WDHD1: variants seen among roughly 807,000 people sequenced by gnomAD.
WDHD1 encodes the protein WD repeat and HMG-box DNA binding protein 1, also known as WD repeat and HMG-box DNA-binding protein 1.
WDHD1 carries 111 observed loss-of-function variants against 135.4 expected under a neutral mutation model. The observed-to-expected ratio is 0.82, with a 90% confidence interval of 0.70 to 0.96. The LOEUF (loss-of-function observed/expected upper bound fraction) is 0.96, where lower values mean the gene tolerates loss of function less well. WDHD1 is among the 40% of genes least tolerant of loss of function. WDHD1 has a pLI of 0.00. For missense variants in WDHD1, 1,351 were observed against 1,336.3 expected, an observed-to-expected ratio of 1.01 and a Z score of -0.17; for synonymous variants, 434 against 439.0, an observed-to-expected ratio of 0.99 and a Z score of 0.14.
chr14:54,967,620 C>A (rs2041365992), intron 16 of WDHD1, among the ~76,000 whole-genome samples: 1 of 152,116 alleles, frequency 6.6e-6, no homozygotes. Context: ...TCTCACATCT[C>A]ACTTGATTTA....
At chr14:54,970,621 C>CAAAAAAAAAAAAAA in intron 16 of WDHD1, among the ~76,000 whole-genome samples, 1 of 130,646 alleles carries the variant, frequency 7.7e-6, no homozygotes. Flanking sequence ...GTCACAGCAC[C>CAAAAAAAAAAAAAA]AAAAAAAAAA....
chr14:54,984,610 A>G (rs1000724538), intron 15 of WDHD1, 113 bp downstream of exon 15: 10 of 906,198 alleles, frequency 1.1e-5, no homozygotes, highest in African/African-American at 5.3e-5. Flanking sequence ...AATATAAAAT[A>G]GAGATAATTT....
In WDHD1 at chr14:54,962,870, T is replaced by A; in HGVS notation, c.2532-17A>T. On this transcript the variant is annotated splice_polypyrimidine_tract_variant and intron_variant, in intron 19 of 25. Transcript: ENST00000360586. ...TTGCTGTAACTAAGAGAAAATAATA[T>A]TATTCAATAAAGAGCTATGCAAAGA... 2 of 1,611,200 alleles carry A rather than the reference T, an allele frequency of 1.2e-6. No homozygotes were observed. The highest frequency in any genetic ancestry group is 1.7e-6 in the Non-Finnish European group (2 of 1,179,532).
chr14:55,013,890 G>C (rs941670708), intron 2 of WDHD1, among the ~76,000 whole-genome samples: 5 of 151,782 alleles, frequency 3.3e-5, no homozygotes, highest in Non-Finnish European at 7.4e-5. Context: ...CTGGGCAACA[G>C]AGCAAGACTC....
intron 14 of WDHD1, 54 bp from the exon 15 acceptor site, chr14:54,984,914 G>A (rs959932620): frequency 8.2e-6 from 13 of 1,581,782 alleles, no homozygotes; most frequent in African/African-American, 1.4e-5. Context: ...CAACTATAAC[G>A]CAGTCTAAAT....
rs2042162607 is a variant in WDHD1 at position 55,011,220 on chromosome 14, G to C, written c.190-760C>G. Among the ~76,000 whole-genome samples, 3 of 151,980 alleles carry C rather than the reference G, an allele frequency of 2.0e-5. No homozygotes were observed. In the South Asian group the frequency reaches 6.2e-4, roughly 32 times the overall value. On this transcript the variant is annotated intron_variant, in intron 3 of 25. Transcript: ENST00000360586. ...AAAGGCAGTACATGCTCACTGAACA[G>C]AAAAAAATGACAATATGAAAGTATT...
At chr14:55,013,714 T>C in intron 2 of WDHD1, 118 bp from the exon 3 acceptor site, 1 of 748,946 alleles carries the variant, frequency 1.3e-6, no homozygotes, top group Non-Finnish European at 2.3e-6. Flanking sequence ...AAGACTAGCC[T>C]GGATAATACA....
intron 2 of WDHD1, among the ~76,000 whole-genome samples, chr14:55,020,620 A>G (rs2042330409): frequency 6.6e-6 from 1 of 152,134 alleles, no homozygotes; most frequent in African/African-American, 2.4e-5. Flanking sequence ...CAATTCTCAC[A>G]TTTATATTCT....
At chr14:54,947,007 G>C (rs8013521) in intron 24 of WDHD1, among the ~76,000 whole-genome samples, 57,473 of 150,644 alleles carry the variant, frequency 0.38, 11,578 homozygotes, top group African/African-American at 0.52. Context: ...TGCACCAGTG[G>C]ACTCCAGCCT....
rs2040830601 is a variant in WDHD1, at chr14:54,941,109, C to A, written c.*381G>T. The A allele has an allele frequency of 6.2e-6, 1 of 160,420 alleles. No individual in the cohort carries two copies. The highest frequency in any genetic ancestry group is 1.8e-4 in the South Asian group (1 of 5,578). 9.9% of individuals were successfully genotyped at this position (160,420 alleles called of 1,614,324 possible). A position where few individuals can be genotyped will look rare whatever the true frequency, so the allele number is the denominator to read the frequency against. ...ACACACTTGGAAAGAGGACTATTGTCCTTCCTTGCACATGACAAAAACCAA... is the reference window on the plus strand; with the variant it reads ...ACACACTTGGAAAGAGGACTATTGTACTTCCTTGCACATGACAAAAACCAA... On this transcript the variant is annotated 3_prime_UTR_variant, in exon 26 of 26. Coordinates refer to ENST00000360586, the MANE Select transcript of WDHD1 (RefSeq NM_007086.4).
At chr14:55,013,751 A>T (rs9671441) in intron 2 of WDHD1, among the ~76,000 whole-genome samples, 155 bp from the exon 3 acceptor site, 3 of 152,090 alleles carry the variant, frequency 2.0e-5, no homozygotes, top group South Asian at 2.1e-4. Flanking sequence ...ACAAAAAATT[A>T]AAAAATTAGC....
At chr14:54,997,176 A>G (rs775702763) in intron 10 of WDHD1, among the ~76,000 whole-genome samples, 17 of 150,714 alleles carry the variant, frequency 1.1e-4, no homozygotes, top group Admixed American at 3.3e-4. Flanking sequence ...GCTCACTGCA[A>G]ACTTCATCTC....
At chr14:54,975,200 G>A (rs1329486099) in intron 16 of WDHD1, among the ~76,000 whole-genome samples, 6 of 152,122 alleles carry the variant, frequency 3.9e-5, no homozygotes, top group African/African-American at 9.7e-5. Context: ...AAATTAGACT[G>A]TAACACAGCA....
At chr14:55,002,335 T>C in intron 7 of WDHD1, 150 bp from the exon 8 acceptor site, 1 of 597,694 alleles carries the variant, frequency 1.7e-6, no homozygotes, top group Non-Finnish European at 2.8e-6. Flanking sequence ...GGTGTCTCAC[T>C]ATGTTGCCCA....
intron 2 of WDHD1, among the ~76,000 whole-genome samples, chr14:55,025,843 T>A (rs2042428235): frequency 6.6e-6 from 1 of 152,198 alleles, no homozygotes; most frequent in Non-Finnish European, 1.5e-5. Flanking sequence ...CTGCTTACTA[T>A]GCCAACATCA....
At chr14:54,983,052 T>C (rs1254037721) in intron 15 of WDHD1, among the ~76,000 whole-genome samples, 2 of 152,070 alleles carry the variant, frequency 1.3e-5, no homozygotes, top group African/African-American at 2.4e-5. Context: ...TAGTCCCAGA[T>C]ACTCGGGAGG....
chr14:55,024,287 C>A (rs888959354), intron 2 of WDHD1, among the ~76,000 whole-genome samples: 6 of 152,174 alleles, frequency 3.9e-5, no homozygotes, highest in African/African-American at 1.4e-4. Context: ...TAATCACATC[C>A]AAACGCAAAC....
chr14:54,975,409 G>A (rs929232212), intron 16 of WDHD1, among the ~76,000 whole-genome samples: 4 of 150,488 alleles, frequency 2.7e-5, no homozygotes, highest in African/African-American at 7.3e-5. Context: ...GTACAGTGGC[G>A]CAATCTCGGC....
At chr14:55,020,599 G>GT (rs1473839619) in intron 2 of WDHD1, among the ~76,000 whole-genome samples, 1 of 152,070 alleles carries the variant, frequency 6.6e-6, no homozygotes, top group African/African-American at 2.4e-5. Flanking sequence ...TAAATATTAT[G>GT]TTTATAAGGA....
Sources: gnomAD v4.1 joint callset for allele counts (sites outside exome capture counted in the v4.1 genomes callset) on GRCh38, gnomAD v4.1.1 for gene constraint, MANE v1.5 for transcripts, NCBI Gene and HGNC (gene_info 2026-07-23, HGNC 2026-07-21) for gene names.